Variants in NTM observed in about 807,000 individuals in gnomAD.
NTM encodes the protein IgLON family member 2.
In NTM, 13 loss-of-function variants were observed where a neutral mutation model predicts 42.1. The observed-to-expected ratio is 0.31, with a 90% CI of 0.20 to 0.49. NTM has a LOEUF of 0.49. Ranked by LOEUF, NTM falls within the 20% of genes least tolerant of loss-of-function variation. NTM has a pLI of 0.99. For missense variants in NTM, 373 were observed against 452.8 expected (o/e 0.82, Z 1.60); for synonymous variants, 187 against 179.2 (o/e 1.04, Z -0.35).
At chr11:132,201,164 G>T (rs753127157) in intron 3 of NTM, among the ~76,000 whole-genome samples, 1 of 152,166 alleles carries the variant, frequency 6.6e-6, no homozygotes, top group African/African-American at 2.4e-5. Context: ...TGTACCTAGA[G>T]TGTCCCTCTA....
intron 1 of NTM, among the ~76,000 whole-genome samples, chr11:131,556,860 C>T (rs1430793399): frequency 2.0e-5 from 3 of 152,144 alleles, no homozygotes; most frequent in African/African-American, 7.2e-5. Context: ...GCCACCGCAC[C>T]CAGCCTTGGG....
At chr11:132,205,471 G>C (rs1392470081) in intron 3 of NTM, among the ~76,000 whole-genome samples, 1 of 152,114 alleles carries the variant, frequency 6.6e-6, no homozygotes, top group Non-Finnish European at 1.5e-5. Context: ...TTACACATTT[G>C]AATTAAAATT....
chr11:131,984,047 G>GA (rs1216389365), intron 2 of NTM, among the ~76,000 whole-genome samples: 1 of 152,190 alleles, frequency 6.6e-6, no homozygotes, highest in Non-Finnish European at 1.5e-5. Flanking sequence ...TTAATGCCAA[G>GA]AAAAAATAGA....
At chr11:132,173,882 C>A (rs2137893478) in intron 3 of NTM, among the ~76,000 whole-genome samples, 1 of 152,312 alleles carries the variant, frequency 6.6e-6, no homozygotes, top group Middle Eastern at 3.4e-3. Flanking sequence ...TAACTTTCTT[C>A]TTAAAAGTTG....
intron 1 of NTM, among the ~76,000 whole-genome samples, chr11:131,822,871 G>A (rs1249954046): frequency 1.3e-5 from 2 of 152,144 alleles, no homozygotes; most frequent in Non-Finnish European, 2.9e-5. Context: ...AAACACACAG[G>A]GAAATACCTT....
At chr11:132,259,082 G>A (rs1220257138) in intron 4 of NTM, among the ~76,000 whole-genome samples, 1 of 152,144 alleles carries the variant, frequency 6.6e-6, no homozygotes, top group Non-Finnish European at 1.5e-5. Flanking sequence ...TTCTCTGTGA[G>A]TCACTGCTAG....
intron 1 of NTM, among the ~76,000 whole-genome samples, chr11:131,873,589 TATATATATAC>T (rs2048066632): frequency 3.2e-5 from 2 of 61,896 alleles, no homozygotes; most frequent in Admixed American, 3.8e-4. Flanking sequence ...ATATATACCG[TATATATATAC>T]ATATATATAT....
chr11:132,214,970 C>T (rs2083531675), intron 4 of NTM, among the ~76,000 whole-genome samples: 1 of 152,208 alleles, frequency 6.6e-6, no homozygotes, highest in African/African-American at 2.4e-5. Flanking sequence ...AGTGCCATTT[C>T]CCAGTGACTG....
chr11:131,541,003 A>G (rs2053159974), intron 1 of NTM: 1 of 152,210 alleles, frequency 6.6e-6, no homozygotes. Context: ...AATTGCATTT[A>G]TTATAATTGC....
At chr11:132,211,107 C>T (rs771378967) in intron 3 of NTM, among the ~76,000 whole-genome samples, 1 of 151,276 alleles carries the variant, frequency 6.6e-6, no homozygotes, top group Non-Finnish European at 1.5e-5. Flanking sequence ...GGGAAAGTTT[C>T]AACAAAGAAA....
intron 4 of NTM, among the ~76,000 whole-genome samples, chr11:132,260,911 A>G (rs1460215378): frequency 6.6e-6 from 1 of 152,160 alleles, no homozygotes; most frequent in Admixed American, 6.5e-5. Context: ...TCTCCTGAGC[A>G]CCACTTGTAG....
chr11:131,730,246 T>A (rs548623221), intron 1 of NTM, among the ~76,000 whole-genome samples: 38 of 152,348 alleles, frequency 2.5e-4, no homozygotes, highest in African/African-American at 8.4e-4. Flanking sequence ...AGCAATTAAT[T>A]TTAATATGAT....
chr11:132,233,259 TG>T, intron 4 of NTM, among the ~76,000 whole-genome samples: 1 of 152,212 alleles, frequency 6.6e-6, no homozygotes, highest in Non-Finnish European at 1.5e-5. Flanking sequence ...CTACTAAAAA[TG>T]CAAAATAAAA....
intron 1 of NTM, among the ~76,000 whole-genome samples, chr11:131,799,733 G>C (rs2091943620): frequency 6.6e-6 from 1 of 152,148 alleles, no homozygotes; most frequent in South Asian, 2.1e-4. Context: ...CACAGGAGAG[G>C]ACCTATAAGA....
intron 1 of NTM, among the ~76,000 whole-genome samples, chr11:131,849,446 C>CGAGA (rs141108889): frequency 6.6e-6 from 1 of 150,620 alleles, no homozygotes; most frequent in Non-Finnish European, 1.5e-5. Flanking sequence ...AAGGCAAGAG[C>CGAGA]GAGAGAGAGA....
chr11:131,780,123 G>A (rs2087792788), intron 1 of NTM, among the ~76,000 whole-genome samples: 1 of 152,082 alleles, frequency 6.6e-6, no homozygotes, highest in African/African-American at 2.4e-5. Flanking sequence ...GGTTTAAGTT[G>A]GATAACAACA....
chr11:131,519,161 A>T (rs375718101), intron 1 of NTM, among the ~76,000 whole-genome samples: 1 of 152,138 alleles, frequency 6.6e-6, no homozygotes. Context: ...AGAAGCCCTG[A>T]GTTTCAAATT....
At chr11:131,559,590 C>T (rs934322631) in intron 1 of NTM, among the ~76,000 whole-genome samples, 2 of 152,186 alleles carry the variant, frequency 1.3e-5, no homozygotes, top group African/African-American at 4.8e-5. Context: ...GGTCATTATA[C>T]CTGAGTTCTA....
intron 2 of NTM, among the ~76,000 whole-genome samples, chr11:131,983,746 A>G (rs575969506): frequency 3.3e-5 from 5 of 151,084 alleles, no homozygotes; most frequent in Non-Finnish European, 7.3e-5. Flanking sequence ...TGACTTGCTC[A>G]CTCAACAATC....
Sources: allele counts gnomAD v4.1 joint callset (sites outside exome capture counted in the v4.1 genomes callset), GRCh38; gene constraint gnomAD v4.1.1; transcripts MANE v1.5; gene names NCBI Gene and HGNC (gene_info 2026-07-23, HGNC 2026-07-21).